DNAH11: variants seen among roughly 807,000 people sequenced by gnomAD.
DNAH11 encodes the protein axonemal beta dynein heavy chain 11.
DNAH11 carries 442 observed loss-of-function variants against 526.0 expected under a neutral mutation model. The ratio of observed to expected loss-of-function variants is 0.84; its 90% CI spans 0.78 to 0.91. The LOEUF (loss-of-function observed/expected upper bound fraction) is 0.91. Among genes scored for constraint, DNAH11 ranks in the 40% least tolerant of loss-of-function variants. The pLI, the probability that DNAH11 is intolerant of heterozygous loss-of-function variation, is 0.00. For missense variants in DNAH11, 6,989 were observed against 5,448.7 expected, an observed-to-expected ratio of 1.28 and a Z score of -8.90; for synonymous variants, 2,461 against 1,935.9, an observed-to-expected ratio of 1.27 and a Z score of -7.12.
intron 30 of DNAH11, among the ~76,000 whole-genome samples, chr7:21,661,416 C>G (rs1304925610): frequency 4.6e-5 from 7 of 151,860 alleles, no homozygotes; most frequent in Non-Finnish European, 1.0e-4. Flanking sequence ...TTTTGATAAT[C>G]CAGCTGGGTA....
intron 45 of DNAH11, 115 bp from the exon 46 acceptor site, chr7:21,735,525 G>T: frequency 1.2e-6 from 1 of 869,380 alleles, no homozygotes; most frequent in Non-Finnish European, 1.8e-6. Context: ...GAATTATTTG[G>T]ATTTCAATTA....
At chr7:21,898,611 A>G (rs1211748015) in intron 79 of DNAH11, among the ~76,000 whole-genome samples, 1 of 152,126 alleles carries the variant, frequency 6.6e-6, no homozygotes, top group Non-Finnish European at 1.5e-5. Context: ...TTACAATTCA[A>G]GGTTTCACTT....
intron 65 of DNAH11, among the ~76,000 whole-genome samples, chr7:21,840,647 G>A (rs1372143086): frequency 6.6e-6 from 1 of 152,012 alleles, no homozygotes; most frequent in East Asian, 1.9e-4. Flanking sequence ...TTCCTAGCAG[G>A]AAAGAGACCA....
intron 1 of DNAH11, 53 bp from the exon 2 acceptor site, chr7:21,544,952 TC>T (rs1287657833): frequency 1.3e-5 from 19 of 1,451,216 alleles, no homozygotes; most frequent in African/African-American, 4.3e-5. Flanking sequence ...ATATAGTAAA[TC>T]CTGCTTGTTA....
rs1212459140 is a variant in DNAH11, at chr7:21,894,921, A to G, written c.12971A>G (p.Gln4324Arg). ...TTATCTCCTGCTGTGGAAGCCCAGC[A>G]GTTTGCATTGAGTTATGACACGGTA... is the stretch of plus-strand genomic sequence containing the variant. ...LALSPAVEAQ[Q>R]FALSYDTVPD... is the part of the protein sequence containing the mutation. The change falls in exon 79 of 82, where the codon CAG (glutamine) becomes CGG (arginine). Residue 4324 changes from glutamine to arginine, a missense_variant. Gln to Arg is a conservative substitution (Grantham distance 43). Coordinates refer to ENST00000409508, the MANE Select transcript of DNAH11 (RefSeq NM_001277115.2). The G allele has an allele frequency of 6.2e-7, 1 of 1,614,004 alleles. No homozygotes were observed. Among genetic ancestry groups the G allele is most frequent in the Non-Finnish European group, 8.5e-7 (1 of 1,179,892 alleles).
intron 34 of DNAH11, 107 bp from the exon 35 acceptor site, chr7:21,690,658 A>T: frequency 1.3e-6 from 1 of 791,748 alleles, no homozygotes; most frequent in Non-Finnish European, 2.1e-6. Context: ...AATTACACAG[A>T]ATAAACAGCT....
intron 27 of DNAH11, 37 bp from the exon 28 acceptor site, chr7:21,638,902 G>A: frequency 1.3e-6 from 2 of 1,583,256 alleles, no homozygotes; most frequent in Middle Eastern, 3.4e-4. Context: ...TGACTGAAGG[G>A]ACAAGATATG....
chr7:21,612,554 C>CAAAAAAAAAAAAAAAAAAAAAA (rs34356379), intron 20 of DNAH11, among the ~76,000 whole-genome samples: 3 of 81,240 alleles, frequency 3.7e-5, no homozygotes, highest in African/African-American at 1.6e-4. Context: ...GGCTCCGTCT[C>CAAAAAAAAAAAAAAAAAAAAAA]AAAAAAAAAA....
intron 35 of DNAH11, among the ~76,000 whole-genome samples, chr7:21,695,937 C>A (rs976761410): frequency 6.6e-6 from 1 of 152,162 alleles, no homozygotes; most frequent in Non-Finnish European, 1.5e-5. Context: ...TGAACAGACA[C>A]TTCTCAAAAG....
At chr7:21,605,385 T>A (rs1026829067) in intron 18 of DNAH11, among the ~76,000 whole-genome samples, 1 of 152,204 alleles carries the variant, frequency 6.6e-6, no homozygotes, top group African/African-American at 2.4e-5. Context: ...AAGGAATGCT[T>A]TTCAACAGTA....
At chr7:21,741,233 C>T (rs1275961335) in intron 48 of DNAH11, among the ~76,000 whole-genome samples, 1 of 152,056 alleles carries the variant, frequency 6.6e-6, no homozygotes, top group Non-Finnish European at 1.5e-5. Context: ...TTCCACGTAG[C>T]TTAACTATGC....
chr7:21,859,869 G>GAAC (rs371950882), intron 68 of DNAH11, among the ~76,000 whole-genome samples: 12 of 151,828 alleles, frequency 7.9e-5, no homozygotes, highest in East Asian at 7.7e-4. Flanking sequence ...AAGTACATGG[G>GAAC]AACAACAACA....
At chr7:21,647,427 C>CTTTTTTTTTTTT (rs71026810) in intron 28 of DNAH11, among the ~76,000 whole-genome samples, 1 of 121,248 alleles carries the variant, frequency 8.2e-6, no homozygotes, top group Non-Finnish European at 1.7e-5. Context: ...TTCTTTCTTT[C>CTTTTTTTTTTTT]TTTTTTTTTT....
chr7:21,719,246 T>A (rs539052642), intron 43 of DNAH11, among the ~76,000 whole-genome samples: 2 of 152,360 alleles, frequency 1.3e-5, no homozygotes, highest in East Asian at 3.8e-4. Flanking sequence ...TATGGAAATT[T>A]GAGACAAAAA....
At chr7:21,870,998 G>A (rs1408469449) in intron 73 of DNAH11, among the ~76,000 whole-genome samples, 1 of 152,152 alleles carries the variant, frequency 6.6e-6, no homozygotes, top group African/African-American at 2.4e-5. Context: ...CAAACATAAT[G>A]AAAACTTGTT....
intron 22 of DNAH11, 108 bp from the exon 23 acceptor site, chr7:21,617,509 TCA>T: frequency 7.7e-7 from 1 of 1,290,654 alleles, no homozygotes; most frequent in Non-Finnish European, 1.1e-6. Context: ...TCAAATGCTT[TCA>T]CTCTTTTCTA....
At position 21,880,856 on chromosome 7, in the gene DNAH11, C is replaced by T. The variant is rs1044747477; in HGVS notation, c.12350C>T (p.Ala4117Val). The change falls in exon 75 of 82, where the codon GCC becomes GTC. Residue 4117 changes from alanine to valine, a missense_variant. Transcript: ENST00000409508. ...PFNPGDLTIC[A>V]SVLYNYLEAN... ...AATCCTGGAGACCTCACCATTTGTGCCAGTGTCCTCTACAACTACTTAGAG... is the reference window on the plus strand; with the variant it reads ...AATCCTGGAGACCTCACCATTTGTGTCAGTGTCCTCTACAACTACTTAGAG... The T allele has an allele frequency of 6.2e-7, 1 of 1,613,002 alleles. No homozygotes were observed. Among genetic ancestry groups the T allele is most frequent in the African/African-American group, 1.3e-5 (1 of 74,878 alleles).
intron 28 of DNAH11, among the ~76,000 whole-genome samples, chr7:21,640,640 C>CT (rs1787085771): frequency 6.6e-6 from 1 of 152,074 alleles, no homozygotes; most frequent in South Asian, 2.1e-4. Context: ...CACATGTGCC[C>CT]TGCCGAGTCT....
chr7:21,725,721 C>G, intron 44 of DNAH11, 90 bp from the exon 45 acceptor site: 2 of 1,322,900 alleles, frequency 1.5e-6, no homozygotes, highest in Non-Finnish European at 2.1e-6. Context: ...AGGTTTCTAC[C>G]CCTATGATAT....
Sources: allele counts gnomAD v4.1 joint callset (sites outside exome capture counted in the v4.1 genomes callset), GRCh38; gene constraint gnomAD v4.1.1; transcripts MANE v1.5; gene names NCBI Gene and HGNC (gene_info 2026-07-23, HGNC 2026-07-21).